RGS22: variants seen among roughly 807,000 people sequenced by gnomAD.
RGS22 encodes regulator of G protein signaling 22.
Under a neutral mutation model 172.9 loss-of-function variants are expected in RGS22, and 148 were observed. The ratio of observed to expected loss-of-function variants is 0.86; its 90% CI spans 0.75 to 0.98. The LOEUF (loss-of-function observed/expected upper bound fraction) is 0.98, where lower values mean the gene tolerates loss of function less well. Ranked by LOEUF, RGS22 falls within the 50% of genes least tolerant of loss-of-function variation. The pLI is 0.00. For missense variants in RGS22, 1,347 were observed against 1,440.8 expected (o/e 0.93, Z 1.05); for synonymous variants, 458 against 480.2 (o/e 0.95, Z 0.60).
intron 2 of RGS22, among the ~76,000 whole-genome samples, 159 bp downstream of exon 2, chr8:100,105,215 A>G (rs1422442801): frequency 6.6e-6 from 1 of 152,252 alleles, no homozygotes; most frequent in African/African-American, 2.4e-5. Context: ...TGCCAGATAA[A>G]GAATTTAAAA....
chr8:100,055,239 G>A (rs1443035553), intron 9 of RGS22, among the ~76,000 whole-genome samples: 1 of 152,222 alleles, frequency 6.6e-6, no homozygotes. Flanking sequence ...ACCCAGCACA[G>A]TCATAGTGGT....
At position 100,061,582 on chromosome 8, in the gene RGS22, C is replaced by T. The variant is rs377613779; in HGVS notation, c.1514+1009G>A. ...CACTGATCATTAGAGAAATGCAAAT[C>T]AAAACCACACTGAGATACCATCTCA... On this transcript the variant is annotated intron_variant, in intron 9 of 27. Transcript: ENST00000360863. Among the ~76,000 whole-genome samples, 18 of 152,256 alleles carry T rather than the reference C, an allele frequency of 1.2e-4. No individual in the cohort carries two copies. The East Asian group carries it at 3.3e-3, about 28-fold the overall frequency.
chr8:100,055,113 G>A (rs1302661407), intron 9 of RGS22, among the ~76,000 whole-genome samples: 2 of 152,202 alleles, frequency 1.3e-5, no homozygotes, highest in Non-Finnish European at 2.9e-5. Flanking sequence ...AAGCCTGGCT[G>A]GCTTTGCCAC....
chr8:99,972,277 A>G (rs1482381837), intron 23 of RGS22, among the ~76,000 whole-genome samples: 3 of 152,124 alleles, frequency 2.0e-5, no homozygotes, highest in Non-Finnish European at 4.4e-5. Context: ...TGAAACATAA[A>G]ACCTAAAACA....
At chr8:99,986,754 C>G (rs968108666) in intron 21 of RGS22, among the ~76,000 whole-genome samples, 25 of 151,990 alleles carry the variant, frequency 1.6e-4, no homozygotes, top group Admixed American at 3.3e-4. Flanking sequence ...TAATTCTTTT[C>G]TCTTCTCTGT....
intron 21 of RGS22, among the ~76,000 whole-genome samples, chr8:99,982,548 T>C (rs1346248317): frequency 6.6e-6 from 1 of 152,188 alleles, no homozygotes; most frequent in Non-Finnish European, 1.5e-5. Context: ...ATAAATGTTA[T>C]GATAGAGGTA....
At chr8:100,045,019 A>G (rs1049057661) in intron 11 of RGS22, among the ~76,000 whole-genome samples, 10 of 152,124 alleles carry the variant, frequency 6.6e-5, no homozygotes, top group Non-Finnish European at 1.0e-4. Context: ...TTGGTGGCTC[A>G]TGCCTGTAAT....
chr8:100,024,856 T>C (rs2131487109), intron 14 of RGS22, among the ~76,000 whole-genome samples: 1 of 152,132 alleles, frequency 6.6e-6, no homozygotes, highest in African/African-American at 2.4e-5. Context: ...CTTAGGATTG[T>C]CTAGAATTAA....
At chr8:100,011,922 T>C (rs1816426535) in intron 14 of RGS22, among the ~76,000 whole-genome samples, 1 of 152,060 alleles carries the variant, frequency 6.6e-6, no homozygotes, top group South Asian at 2.1e-4. Flanking sequence ...TATCAATAAA[T>C]ACTTATTGCA....
At chr8:100,087,906 T>A (rs958689499) in intron 3 of RGS22, among the ~76,000 whole-genome samples, 1 of 152,060 alleles carries the variant, frequency 6.6e-6, no homozygotes, top group Non-Finnish European at 1.5e-5. Flanking sequence ...AATAAATGAG[T>A]TAGGTAATTT....
At chr8:100,064,730 G>T (rs1810418449) in intron 7 of RGS22, among the ~76,000 whole-genome samples, 1 of 152,088 alleles carries the variant, frequency 6.6e-6, no homozygotes. Context: ...ATTAGAATAT[G>T]TATACTAAAT....
rs1386968178 is a variant in RGS22 at position 99,981,930 on chromosome 8, C to T, written c.3360+7G>A. The T allele has an allele frequency of 2.5e-6, 4 of 1,604,828 alleles. No homozygotes were observed. Among genetic ancestry groups the T allele is most frequent in the Non-Finnish European group, 3.4e-6 (4 of 1,175,860 alleles). ...AATATGCTTAGCCACATGCCCTGAT[C>T]TCTTACCTGTGCCTCTCTAAATACA... On this transcript the variant is annotated splice_region_variant and intron_variant, in intron 22 of 27. Coordinates refer to ENST00000360863, the MANE Select transcript of RGS22 (RefSeq NM_015668.5).
At chr8:99,989,704 G>A (rs1813475972) in intron 20 of RGS22, among the ~76,000 whole-genome samples, 1 of 152,116 alleles carries the variant, frequency 6.6e-6, no homozygotes, top group Non-Finnish European at 1.5e-5. Flanking sequence ...AATAAGCCAG[G>A]TGTGGTGGTG....
At chr8:100,035,839 T>A (rs1458879721) in intron 14 of RGS22, among the ~76,000 whole-genome samples, 1 of 152,154 alleles carries the variant, frequency 6.6e-6, no homozygotes, top group Non-Finnish European at 1.5e-5. Context: ...ACCATCATTC[T>A]CAGCAAACTA....
chr8:100,061,816 T>C (rs1214377022), intron 9 of RGS22, among the ~76,000 whole-genome samples: 1 of 152,224 alleles, frequency 6.6e-6, no homozygotes, highest in Non-Finnish European at 1.5e-5. Context: ...CAAAGGAATA[T>C]AAATCATGCT....
intron 20 of RGS22, among the ~76,000 whole-genome samples, chr8:99,989,903 GAT>G (rs773647314): frequency 6.7e-4 from 97 of 145,606 alleles, no homozygotes; most frequent in Non-Finnish European, 1.4e-4. Context: ...TAGATAGATA[GAT>G]ATAGATAGAT....
At chr8:100,072,483 A>G (rs2131851060) in intron 4 of RGS22, among the ~76,000 whole-genome samples, 1 of 152,294 alleles carries the variant, frequency 6.6e-6, no homozygotes, top group South Asian at 2.1e-4. Flanking sequence ...AGATTAACAA[A>G]TCGAATCCAG....
chr8:100,066,956 T>C (rs1353227473), intron 6 of RGS22, among the ~76,000 whole-genome samples: 1 of 152,198 alleles, frequency 6.6e-6, no homozygotes, highest in South Asian at 2.1e-4. Flanking sequence ...GATCCTTAGC[T>C]TCTAGAACCC....
rs1813865257 is a variant in RGS22 at position 100,105,529 on chromosome 8, G to C, written c.26-127C>G. On this transcript the variant is annotated intron_variant, in intron 1 of 27. Transcript: ENST00000360863. ...AAACGTAGCACATTTCTGGCCCTCTGTTCATTCTCTGTACATGGCTTGCAT... is the reference window on the plus strand; with the variant it reads ...AAACGTAGCACATTTCTGGCCCTCTCTTCATTCTCTGTACATGGCTTGCAT... 4 of 790,626 alleles carry C rather than the reference G, an allele frequency of 5.1e-6. No individual in the cohort carries two copies. In the Admixed American group the frequency reaches 6.9e-5, roughly 14 times the overall value. 49.0% of individuals were successfully genotyped at this position (790,626 alleles called of 1,614,324 possible).
Sources: gnomAD v4.1 joint callset for allele counts (sites outside exome capture counted in the v4.1 genomes callset) on GRCh38, gnomAD v4.1.1 for gene constraint, MANE v1.5 for transcripts, NCBI Gene and HGNC (gene_info 2026-07-23, HGNC 2026-07-21) for gene names.